Variants in XPO5 observed in about 807,000 individuals in gnomAD.
XPO5 encodes exportin 5, also known as exportin-5.
A neutral mutation model predicts 160.6 loss-of-function variants in XPO5; 46 were observed. That is an observed-to-expected ratio of 0.29 (90% confidence interval 0.23 to 0.37). The LOEUF is 0.37. Ranked by LOEUF, XPO5 falls within the 10% of genes least tolerant of loss-of-function variation. The pLI is 1.00. For synonymous variants in XPO5, 537 were observed against 519.3 expected (o/e 1.03, Z -0.46); for missense variants, 1,090 against 1,463.9 (o/e 0.74, Z 4.17).
chr6:43,539,747 G>T, intron 20 of XPO5: 1 of 605,628 alleles, frequency 1.7e-6, no homozygotes, highest in Non-Finnish European at 2.9e-6. Flanking sequence ...CTATTCTTGG[G>T]AATAGTTTGT....
At chr6:43,546,983 G>A (rs1794995518) in intron 19 of XPO5, among the ~76,000 whole-genome samples, 1 of 152,240 alleles carries the variant, frequency 6.6e-6, no homozygotes, top group African/African-American at 2.4e-5. Context: ...TTCCCTTGCA[G>A]TAAGCTGTCT....
chr6:43,540,295 C>T lies in XPO5; in HGVS notation c.2342+6276G>A, dbSNP rs540545340. Among the ~76,000 whole-genome samples the T allele has an allele frequency of 9.2e-5, 14 of 152,196 alleles. 1 individual carries two copies. The highest frequency in any genetic ancestry group is 2.0e-4 in the Admixed American group (3 of 15,288). On this transcript the variant is annotated intron_variant, in intron 20 of 31. Coordinates refer to ENST00000265351, the MANE Select transcript of XPO5 (RefSeq NM_020750.3). The stretch of plus-strand genomic sequence containing the variant: ...GAGATCAAGATCATCCTGGCTAATA[C>T]GGTGAAACCCTGTCTCTACTAAAAT...
At chr6:43,554,414 TTTC>T (rs1395674049) in intron 13 of XPO5, among the ~76,000 whole-genome samples, 1 of 148,356 alleles carries the variant, frequency 6.7e-6, no homozygotes, top group East Asian at 2.0e-4. Context: ...CCCAGCCGCT[TTTC>T]TTTTCTTTTT....
At chr6:43,574,112 G>A (rs145065238) in intron 1 of XPO5, among the ~76,000 whole-genome samples, 8,277 of 151,868 alleles carry the variant, frequency 0.055, 329 homozygotes, top group African/African-American at 0.11. Flanking sequence ...TTACAGGCGT[G>A]AGCCACTGTG....
chr6:43,531,987 T>C (rs1794017937), intron 21 of XPO5, among the ~76,000 whole-genome samples: 1 of 152,242 alleles, frequency 6.6e-6, no homozygotes, highest in South Asian at 2.1e-4. Context: ...AAAAACTGCC[T>C]TAAAATATCT....
Position 43,523,762 on chromosome 6 carries a change from C to T in XPO5, c.*106G>A, listed in dbSNP as rs1561860872. The T allele has an allele frequency of 6.4e-7, 1 of 1,567,890 alleles. No individual in the cohort carries two copies. Among genetic ancestry groups the T allele is most frequent in the South Asian group, 1.1e-5 (1 of 89,528 alleles). ...AGACCTGGATCTCTTTCCAGGCTGA[C>T]AGTGGTGGAAAGTGAGGTGGCAGTG... On this transcript the variant is annotated 3_prime_UTR_variant, in exon 32 of 32. Transcript: ENST00000265351.
Position 43,570,556 on chromosome 6 carries a change from G to C in XPO5, c.567C>G (p.Ile189Met). The part of the protein sequence containing the change: ...QQTLTQNMER[I>M]FSFLLNTLQE... ...GAAGTGTGTTAAGCAGAAAACTGAA[G>C]ATCCTTTCCATGTTCTGGGTTAATG... is the stretch of plus-strand genomic sequence containing the variant. Residue 189 changes from isoleucine (I) to methionine (M), a missense_variant, in exon 5 of 32, where the codon ATC becomes ATG. Around this residue, in one of 3 missense-constraint regions of XPO5, gnomAD observed 110 missense variants for 97.9 expected, o/e 1.12. Coordinates refer to ENST00000265351, the MANE Select transcript of XPO5 (RefSeq NM_020750.3). 1 of 1,613,722 alleles carries C rather than the reference G, an allele frequency of 6.2e-7. No individual in the cohort carries two copies. The highest frequency in any genetic ancestry group is 8.5e-7 in the Non-Finnish European group (1 of 1,179,846).
At chr6:43,550,301 A>G (rs1444914249) in intron 15 of XPO5, among the ~76,000 whole-genome samples, 2 of 152,222 alleles carry the variant, frequency 1.3e-5, no homozygotes, top group Admixed American at 1.3e-4. Context: ...CCAATGAAAT[A>G]TGGCTGCTTA....
At chr6:43,539,654 G>C (rs1794577304) in intron 20 of XPO5, 2 of 1,184,886 alleles carry the variant, frequency 1.7e-6, no homozygotes, top group African/African-American at 1.5e-5. Flanking sequence ...CCCCATCCCA[G>C]GGCCACCAGG....
chr6:43,573,106 G>C lies in XPO5; in HGVS notation c.227+374C>G, dbSNP rs114226616. ...CACCCAGAGAAGGCACACAAACTCA[G>C]AAAGACAGAGAGAAAAAAGAAAGCC... On this transcript the variant is annotated intron_variant, in intron 2 of 31. Transcript: ENST00000265351. Among the ~76,000 whole-genome samples, 1,086 of 152,250 alleles carry C rather than the reference G, an allele frequency of 7.1e-3. 14 individuals carry two copies. The highest frequency in any genetic ancestry group is 0.025 in the African/African-American group (1,051 of 41,546).
At chr6:43,526,469 T>C in intron 27 of XPO5, 1 of 581,180 alleles carries the variant, frequency 1.7e-6, no homozygotes, top group Non-Finnish European at 3.1e-6. Context: ...ACATATATGG[T>C]TGGGAGGAAA....
chr6:43,543,313 C>T (rs901208239), intron 20 of XPO5, among the ~76,000 whole-genome samples: 1 of 152,056 alleles, frequency 6.6e-6, no homozygotes, highest in Non-Finnish European at 1.5e-5. Context: ...ATTAGCTGGG[C>T]ATGGCTGCTC....
Position 43,526,218 on chromosome 6 carries a change from G to A in XPO5, c.2984-297C>T, listed in dbSNP as rs1793578360. The A allele has an allele frequency of 1.4e-5, 6 of 433,820 alleles. No individual in the cohort carries two copies. In the South Asian group the frequency reaches 1.7e-4, roughly 12 times the overall value. 26.9% of individuals were successfully genotyped at this position (433,820 alleles called of 1,614,324 possible). ...TATTTGAGCACCAGACACTGATTTA[G>A]TTACTGGGGATAAAAGGTATAGGAC... On this transcript the variant is annotated intron_variant, in intron 27 of 31. Transcript: ENST00000265351.
intron 13 of XPO5, 117 bp downstream of exon 13, chr6:43,555,719 T>C: frequency 7.9e-7 from 1 of 1,267,698 alleles, no homozygotes; most frequent in Non-Finnish European, 1.0e-6. Flanking sequence ...AGCAAAGCTA[T>C]TTTTGAATAG....
At chr6:43,573,114 G>A (rs1255682973) in intron 2 of XPO5, among the ~76,000 whole-genome samples, 1 of 152,148 alleles carries the variant, frequency 6.6e-6, no homozygotes, top group Admixed American at 6.5e-5. Context: ...CAGAAAGACA[G>A]AGAGAAAAAA....
chr6:43,552,218 C>T (rs994873614), intron 14 of XPO5, among the ~76,000 whole-genome samples: 4 of 151,848 alleles, frequency 2.6e-5, no homozygotes, highest in African/African-American at 4.8e-5. Context: ...TGACCATGCC[C>T]GGCTAATTTT....
intron 27 of XPO5, 44 bp from the exon 28 acceptor site, chr6:43,525,965 A>G (rs761390520): frequency 5.0e-6 from 8 of 1,604,802 alleles, no homozygotes; most frequent in African/African-American, 2.7e-5. Flanking sequence ...CTTTCAGAAC[A>G]GAGAAGAATA....
Position 43,558,272 on chromosome 6 carries a change from C to G in XPO5, c.1312+229G>C, listed in dbSNP as rs527811000. Among the ~76,000 whole-genome samples, 16 of 152,178 alleles carry G rather than the reference C, an allele frequency of 1.1e-4. No individual in the cohort carries two copies. The South Asian group carries it at 3.3e-3, about 32-fold the overall frequency. ...AGCGTCTTAAGTATGGTTACCATCCCTAAACATCAATGTCTAAGTGCTGTG... is the reference window on the plus strand; with the variant it reads ...AGCGTCTTAAGTATGGTTACCATCCGTAAACATCAATGTCTAAGTGCTGTG... On this transcript the variant is annotated intron_variant, in intron 12 of 31. Transcript: ENST00000265351.
At chr6:43,534,369 A>C (rs1794183780) in intron 20 of XPO5, among the ~76,000 whole-genome samples, 1 of 152,224 alleles carries the variant, frequency 6.6e-6, no homozygotes, top group Non-Finnish European at 1.5e-5. Context: ...GTGGATTTAC[A>C]GGTAGGAACA....
Sources: allele counts gnomAD v4.1 joint callset (sites outside exome capture counted in the v4.1 genomes callset), GRCh38; gene constraint gnomAD v4.1.1; regional missense constraint gnomAD v4.1.1; transcripts MANE v1.5; gene names NCBI Gene and HGNC (gene_info 2026-07-23, HGNC 2026-07-21).